The following PRDM16 variants were observed in gnomAD, a reference collection of about 807,000 sequenced individuals.
The protein encoded by PRDM16 is histone-lysine N-methyltransferase PRDM16.
In PRDM16, 23 loss-of-function variants were observed where a neutral mutation model predicts 110.6. The observed-to-expected ratio is 0.21, with a 90% CI of 0.15 to 0.29. PRDM16 has a LOEUF of 0.29. PRDM16 is among the 10% of genes least tolerant of loss of function. The pLI, the probability that PRDM16 is intolerant of heterozygous loss-of-function variation, is 1.00. For missense variants in PRDM16, 1,615 were observed against 1,794.3 expected, an observed-to-expected ratio of 0.90 and a Z score of 1.81; for synonymous variants, 799 against 781.8, an observed-to-expected ratio of 1.02 and a Z score of -0.37.
At chr1:3,250,424 C>T (rs1569926363) in intron 3 of PRDM16, among the ~76,000 whole-genome samples, 1 of 152,104 alleles carries the variant, frequency 6.6e-6, no homozygotes, top group Non-Finnish European at 1.5e-5. Context: ...GGGGCAGCTC[C>T]AGGCTGGGTG....
chr1:3,106,238 C>T (rs887933193), intron 1 of PRDM16, among the ~76,000 whole-genome samples: 2 of 152,240 alleles, frequency 1.3e-5, no homozygotes, highest in African/African-American at 4.8e-5. Flanking sequence ...CTGCAGAGAA[C>T]ACCTGGCAGG....
intron 8 of PRDM16, among the ~76,000 whole-genome samples, chr1:3,409,017 A>G (rs2493299): frequency 0.61 from 87,515 of 144,418 alleles, 28,335 homozygotes; most frequent in African/African-American, 0.89. Flanking sequence ...GAGCCGGGGC[A>G]TGTCAGTGTG....
intron 2 of PRDM16, among the ~76,000 whole-genome samples, chr1:3,197,001 G>A (rs1276047861): frequency 1.3e-5 from 2 of 152,172 alleles, no homozygotes; most frequent in Non-Finnish European, 2.9e-5. Flanking sequence ...TGAGGCTGGG[G>A]GGTGAGCTTC....
chr1:3,116,273 AGGCAGAGCTCCCCGGCTGCCCTGCGCC>A (rs1642957243), intron 1 of PRDM16, among the ~76,000 whole-genome samples: 1 of 152,094 alleles, frequency 6.6e-6, no homozygotes, highest in South Asian at 2.1e-4. Context: ...GGGGGACAGT[AGGCAGAGCTCCCCGGCTGCCCTGCGCC>A]GGCGTGCTCA....
intron 4 of PRDM16, among the ~76,000 whole-genome samples, chr1:3,385,808 G>A (rs1370319369): frequency 2.0e-5 from 3 of 152,210 alleles, no homozygotes; most frequent in Non-Finnish European, 4.4e-5. Context: ...TTGGCACAAA[G>A]TCCCTGTCCT....
rs1260447994 is a variant in PRDM16, at chr1:3,359,897, G to A, written c.439-25255G>A. On this transcript the variant is annotated intron_variant, in intron 3 of 16. Coordinates refer to ENST00000270722, the MANE Select transcript of PRDM16 (RefSeq NM_022114.4). The surrounding 1 kb of genome is among the most constrained non-coding windows in gnomAD (Gnocchi z 4.3). ...CATGTGCAGGATCTCTTGGAAGACG[G>A]ATGCCGTGTGCACGCAAAGACGGCA... Among the ~76,000 whole-genome samples the A allele has an allele frequency of 2.6e-5, 4 of 152,224 alleles. No individual in the cohort carries two copies. The highest frequency in any genetic ancestry group is 5.9e-5 in the Non-Finnish European group (4 of 68,042).
At chr1:3,228,377 A>G (rs532127930) in intron 2 of PRDM16, among the ~76,000 whole-genome samples, 50 of 152,360 alleles carry the variant, frequency 3.3e-4, no homozygotes, top group African/African-American at 1.2e-3. Context: ...TGTTAAGTAC[A>G]GGAATGTACC....
chr1:3,129,396 T>G (rs1253673812), intron 1 of PRDM16, among the ~76,000 whole-genome samples: 1 of 149,686 alleles, frequency 6.7e-6, no homozygotes. Context: ...CACGTGTGTG[T>G]GTGTCCTGCC....
intron 3 of PRDM16, among the ~76,000 whole-genome samples, chr1:3,277,951 G>T (rs543041155): frequency 6.6e-6 from 1 of 152,204 alleles, no homozygotes; most frequent in Non-Finnish European, 1.5e-5. Context: ...CGTGAAGTCC[G>T]TGCATCCGGG....
chr1:3,272,453 G>C (rs1018029858), intron 3 of PRDM16, among the ~76,000 whole-genome samples: 1 of 152,132 alleles, frequency 6.6e-6, no homozygotes. Flanking sequence ...TCCTGGGCAC[G>C]GCGGCTAGAG....
Position 3,424,111 on chromosome 1 carries a change from G to A in PRDM16, c.2940-1470G>A, listed in dbSNP as rs181336170. ...CTCAGTAAGCCAGTCCCAGCCCCCC[G>A]CCGGATGCCCCCCAGGGAGGAGGCT... On this transcript the variant is annotated intron_variant, in intron 12 of 16. Transcript: ENST00000270722. Among the ~76,000 whole-genome samples the A allele has an allele frequency of 9.2e-5, 14 of 152,220 alleles. No individual in the cohort carries two copies. In the East Asian group the frequency reaches 9.7e-4, roughly 11 times the overall value.
chr1:3,388,402 C>T (rs761009656), intron 4 of PRDM16, among the ~76,000 whole-genome samples: 6 of 152,248 alleles, frequency 3.9e-5, no homozygotes, highest in Middle Eastern at 3.4e-3. Context: ...ATCCGAGCTC[C>T]GTAAAACAAC....
At chr1:3,098,823 G>A (rs1217887522) in intron 1 of PRDM16, among the ~76,000 whole-genome samples, 4 of 152,268 alleles carry the variant, frequency 2.6e-5, no homozygotes, top group Non-Finnish European at 2.9e-5. Context: ...GCTCCTGGGC[G>A]CTGCATACCC....
At chr1:3,337,966 G>A (rs1308518183) in intron 3 of PRDM16, among the ~76,000 whole-genome samples, 10 of 152,146 alleles carry the variant, frequency 6.6e-5, no homozygotes, top group Admixed American at 2.6e-4. Flanking sequence ...ACACTGGCAC[G>A]CACATGTGTG....
intron 2 of PRDM16, among the ~76,000 whole-genome samples, chr1:3,227,548 G>A: frequency 6.6e-6 from 1 of 152,256 alleles, no homozygotes; most frequent in African/African-American, 2.4e-5. Context: ...GGCCGCAGCT[G>A]CGGCGGGGCT....
In PRDM16 at chr1:3,213,922, G is replaced by A. The variant is rs553646794; in HGVS notation, c.387+27448G>A. Among the ~76,000 whole-genome samples, 95 of 152,080 alleles carry A rather than the reference G, an allele frequency of 6.2e-4. No homozygotes were observed. Among genetic ancestry groups the A allele is most frequent in the Admixed American group, 1.6e-3 (25 of 15,272 alleles). ...CTGGTACATTAACTCAGAAGCACGC[G>A]GGTGACAGGGTGTGGCCAGTGCACC... On this transcript the variant is annotated intron_variant, in intron 2 of 16. Transcript: ENST00000270722. This position sits in a 1 kb window ranked among gnomAD's most constrained non-coding sequence, Gnocchi z 5.3.
At chr1:3,362,343 G>T (rs559192858) in intron 3 of PRDM16, among the ~76,000 whole-genome samples, 1 of 152,100 alleles carries the variant, frequency 6.6e-6, no homozygotes, top group African/African-American at 2.4e-5. Flanking sequence ...ACACCCAGGC[G>T]TCCTTCCACC....
At chr1:3,198,370 G>C (rs964554162) in intron 2 of PRDM16, among the ~76,000 whole-genome samples, 1 of 152,246 alleles carries the variant, frequency 6.6e-6, no homozygotes, top group Admixed American at 6.5e-5. Context: ...CCTTGGCTGG[G>C]CCTTTCCTGT....
Position 3,425,947 on chromosome 1 carries a change from C to A in PRDM16, c.3110-104C>A. The A allele has an allele frequency of 7.4e-7, 1 of 1,357,886 alleles. No homozygotes were observed. The highest frequency in any genetic ancestry group is 9.9e-7 in the Non-Finnish European group (1 of 1,005,990). 84.1% of individuals were successfully genotyped at this position (1,357,886 alleles called of 1,614,324 possible). ...CTCTCCGGTGTCCCTAAGAAACCTGCCTCCCTAACAGCACCCCAGGTGTAC... is the reference window on the plus strand; with the variant it reads ...CTCTCCGGTGTCCCTAAGAAACCTGACTCCCTAACAGCACCCCAGGTGTAC... On this transcript the variant is annotated intron_variant, in intron 13 of 16. Coordinates refer to ENST00000270722, the MANE Select transcript of PRDM16 (RefSeq NM_022114.4). This position sits in a 1 kb window ranked among gnomAD's most constrained non-coding sequence, Gnocchi z 6.9.
Sources: gnomAD v4.1 joint callset for allele counts (sites outside exome capture counted in the v4.1 genomes callset) on GRCh38, gnomAD v4.1.1 for gene constraint, Gnocchi (gnomAD v3.1) non-coding constraint, MANE v1.5 for transcripts, NCBI Gene and HGNC (gene_info 2026-07-23, HGNC 2026-07-21) for gene names.